Variants in CHD9 observed in about 807,000 individuals in gnomAD.
The protein encoded by CHD9 is ATP-dependent chromatin remodeler CHD9.
CHD9 carries 77 observed loss-of-function variants against 316.1 expected under a neutral mutation model. The observed-to-expected ratio is 0.24, with a 90% CI of 0.20 to 0.29. The LOEUF (loss-of-function observed/expected upper bound fraction) is 0.29. Among genes scored for constraint, CHD9 ranks in the 10% least tolerant of loss-of-function variants. The pLI, the probability that CHD9 is intolerant of heterozygous loss-of-function variation, is 1.00. For missense variants in CHD9, 2,763 were observed against 3,438.1 expected (o/e 0.80, Z 4.91); for synonymous variants, 1,129 against 1,158.3 (o/e 0.97, Z 0.51).
At chr16:53,291,594 CTAAAT>C in intron 27 of CHD9, 126 bp from the exon 28 acceptor site, 1 of 578,400 alleles carries the variant, frequency 1.7e-6, no homozygotes, top group Non-Finnish European at 3.0e-6. Context: ...TTTATTTTTG[CTAAAT>C]TAATTATTTA....
At chr16:53,150,522 G>A (rs2041013853) in intron 1 of CHD9, among the ~76,000 whole-genome samples, 1 of 152,042 alleles carries the variant, frequency 6.6e-6, no homozygotes, top group Admixed American at 6.6e-5. Context: ...CATACCAAAG[G>A]TACAATAATG....
At chr16:53,225,214 A>G (rs934739679) in intron 4 of CHD9, among the ~76,000 whole-genome samples, 8 of 152,188 alleles carry the variant, frequency 5.3e-5, no homozygotes, top group Admixed American at 2.6e-4. Flanking sequence ...AGACAGGCAG[A>G]AACCAGAAGA....
intron 16 of CHD9, among the ~76,000 whole-genome samples, chr16:53,248,537 T>G (rs1228518875): frequency 6.8e-6 from 1 of 147,524 alleles, no homozygotes; most frequent in South Asian, 2.1e-4. Context: ...TTTTTTTTTT[T>G]TTTTTGAAGA....
intron 1 of CHD9, among the ~76,000 whole-genome samples, chr16:53,095,777 A>G (rs2036326488): frequency 6.6e-6 from 1 of 152,140 alleles, no homozygotes; most frequent in Admixed American, 6.5e-5. Flanking sequence ...GCTTTCCATG[A>G]CTTTGAACAC....
chr16:53,324,100 G>A lies in CHD9; in HGVS notation c.7899G>A (p.Arg2633=), dbSNP rs948896744. 3.1e-6 allele frequency: 5 copies of A among 1,613,912 alleles called. No individual in the cohort carries two copies. Among genetic ancestry groups the A allele is most frequent in the Middle Eastern group, 1.6e-4 (1 of 6,062 alleles). The change falls in exon 39 of 39, where the codon CGG becomes CGA. Residue 2633 remains arginine (R), a synonymous_variant. Coordinates refer to ENST00000447540, the MANE Select transcript of CHD9 (RefSeq NM_001308319.2). ...VREEVSRRGR[R]PKSGIAKATA... is the part of the protein sequence containing the mutation. ...AGGAAGTAAGCAGGCGGGGGAGACGGCCTAAAAGTGGAATTGCAAAGGCCA... is the reference window on the plus strand; with the variant it reads ...AGGAAGTAAGCAGGCGGGGGAGACGACCTAAAAGTGGAATTGCAAAGGCCA...
At position 53,173,485 on chromosome 16, in the gene CHD9, G is replaced by C. The variant is rs114205107; in HGVS notation, c.1452+15944G>C. On this transcript the variant is annotated intron_variant, in intron 2 of 38. Transcript: ENST00000447540. ...GGTTTTCTCATTTTTCTGCTTTATA[G>C]TTAACGGATTTATGCTATCTTCATT... Among the ~76,000 whole-genome samples the C allele has an allele frequency of 3.8e-3, 581 of 151,972 alleles. 2 individuals carry two copies. The highest frequency in any genetic ancestry group is 0.013 in the African/African-American group (534 of 41,468).
intron 17 of CHD9, among the ~76,000 whole-genome samples, chr16:53,254,031 G>T (rs1279472546): frequency 6.6e-6 from 1 of 152,052 alleles, no homozygotes; most frequent in Non-Finnish European, 1.5e-5. Context: ...ACAAAAATTA[G>T]TCAGATGTGG....
intron 27 of CHD9, among the ~76,000 whole-genome samples, chr16:53,288,573 G>A (rs2054083236): frequency 6.6e-6 from 1 of 152,126 alleles, no homozygotes; most frequent in Non-Finnish European, 1.5e-5. Context: ...GCTAAATGAC[G>A]CTAAAGCTGT....
intron 8 of CHD9, among the ~76,000 whole-genome samples, chr16:53,230,472 A>G (rs893155477): frequency 6.6e-6 from 1 of 152,146 alleles, no homozygotes; most frequent in African/African-American, 2.4e-5. Context: ...TTAAAAAAAG[A>G]TGATTCTAAT....
intron 1 of CHD9, among the ~76,000 whole-genome samples, chr16:53,113,613 G>A (rs1332972031): frequency 6.6e-6 from 1 of 151,748 alleles, no homozygotes; most frequent in East Asian, 1.9e-4. Flanking sequence ...GCCCAGTCGA[G>A]TCTTGGCATT....
intron 1 of CHD9, among the ~76,000 whole-genome samples, chr16:53,088,706 A>G (rs1205492068): frequency 6.6e-6 from 1 of 152,142 alleles, no homozygotes; most frequent in Non-Finnish European, 1.5e-5. Flanking sequence ...GAGGCCAGGC[A>G]TAGTGGCTTA....
At chr16:53,293,440 C>T (rs188025174) in intron 29 of CHD9, among the ~76,000 whole-genome samples, 1 of 151,558 alleles carries the variant, frequency 6.6e-6, no homozygotes, top group East Asian at 1.9e-4. Flanking sequence ...CAAAGCAAGA[C>T]CCTCATCTCT....
intron 1 of CHD9, among the ~76,000 whole-genome samples, chr16:53,129,282 G>A (rs2039108306): frequency 6.6e-6 from 1 of 152,160 alleles, no homozygotes; most frequent in African/African-American, 2.4e-5. Context: ...AGATGTTACT[G>A]GCCTTAAATT....
At chr16:53,057,481 C>T (rs2032301939) in intron 1 of CHD9, among the ~76,000 whole-genome samples, 1 of 151,832 alleles carries the variant, frequency 6.6e-6, no homozygotes, top group Admixed American at 6.6e-5. Context: ...GGCAAAACCC[C>T]GTCTCTACTA....
chr16:53,315,476 A>G, intron 36 of CHD9, among the ~76,000 whole-genome samples: 1 of 152,094 alleles, frequency 6.6e-6, no homozygotes, highest in East Asian at 1.9e-4. Context: ...TGGCATTGTT[A>G]TAACTGTTTT....
In CHD9 at chr16:53,146,437, A is replaced by ATATATATATATATATATATATATATAT. The variant is rs58622741; in HGVS notation, c.-164-9489_-164-9488insTATATATATATATATATATATATATAT. On this transcript the variant is annotated intron_variant, in intron 1 of 38. Transcript: ENST00000447540. ...TGTGTATGTATATATATATATATAT[A>ATATATATATATATATATATATATATAT]ATTAAAAAGTTCCAGAGATTGGTGC... 1.6e-3 allele frequency among the ~76,000 whole-genome samples: 204 copies of ATATATATATATATATATATATATATAT among 129,346 alleles called. 1 individual carries two copies. Among genetic ancestry groups the ATATATATATATATATATATATATATAT allele is most frequent in the Non-Finnish European group, 2.2e-3 (136 of 62,450 alleles). 84.9% of individuals were successfully genotyped at this position (129,346 alleles called of 152,430 possible). A position where few individuals can be genotyped will look rare whatever the true frequency, so the allele number is the denominator to read the frequency against.
Position 53,291,741 on chromosome 16 carries a change from CAGG to C in CHD9, c.5267_5269del (p.Gly1756del). The C allele has an allele frequency of 6.4e-7, 1 of 1,564,632 alleles. No individual in the cohort carries two copies. Among genetic ancestry groups the C allele is most frequent in the Non-Finnish European group, 8.6e-7 (1 of 1,161,878 alleles). On this transcript the variant is annotated inframe_deletion, in exon 28 of 39. Transcript: ENST00000447540. ...TTTTAAAAGGATGATGTTTCCTCACCAGGAGATCTTGTTATAGCAGATGGAGGT... is the reference window on the plus strand; with the variant it reads ...TTTTAAAAGGATGATGTTTCCTCACCAGATCTTGTTATAGCAGATGGAGGT...
chr16:53,092,502 A>G (rs1159463214), intron 1 of CHD9, among the ~76,000 whole-genome samples: 2 of 152,134 alleles, frequency 1.3e-5, no homozygotes, highest in Non-Finnish European at 2.9e-5. Flanking sequence ...ATGTCCCATG[A>G]AGGTGATTTG....
intron 34 of CHD9, among the ~76,000 whole-genome samples, chr16:53,313,586 G>T (rs1267947694): frequency 6.6e-6 from 1 of 151,946 alleles, no homozygotes; most frequent in Admixed American, 6.6e-5. Flanking sequence ...GATTACAGGC[G>T]TGAGCCACTA....
Sources: allele counts gnomAD v4.1 joint callset (sites outside exome capture counted in the v4.1 genomes callset), GRCh38; gene constraint gnomAD v4.1.1; transcripts MANE v1.5; gene names NCBI Gene and HGNC (gene_info 2026-07-23, HGNC 2026-07-21).